Variants in TIMP2 observed in about 807,000 individuals in gnomAD.
TIMP2 encodes the protein TIMP metallopeptidase inhibitor 2, also known as metalloproteinase inhibitor 2.
A neutral mutation model predicts 24.3 loss-of-function variants in TIMP2; 5 were observed. That is an observed-to-expected ratio of 0.21 (90% CI 0.11 to 0.43). The LOEUF (loss-of-function observed/expected upper bound fraction) is 0.43, where lower values mean the gene tolerates loss of function less well. Among genes scored for constraint, TIMP2 ranks in the 20% least tolerant of loss-of-function variants. TIMP2 has a pLI of 1.00. For missense variants in TIMP2, 221 were observed against 297.5 expected (o/e 0.74, Z 1.89); for synonymous variants, 130 against 123.2 (o/e 1.06, Z -0.37).
rs1246083660 is a variant in TIMP2, at chr17:78,891,387, G to A, written c.131-17468C>T. 1.9e-6 allele frequency: 3 copies of A among 1,550,678 alleles called. No individual in the cohort carries two copies. Among genetic ancestry groups the A allele is most frequent in the East Asian group, 2.4e-5 (1 of 40,912 alleles). On this transcript the variant is annotated intron_variant, in intron 1 of 4. Coordinates refer to ENST00000262768, the MANE Select transcript of TIMP2 (RefSeq NM_003255.5). The surrounding 1 kb of genome is among the most constrained non-coding windows in gnomAD (Gnocchi z 4.5). ...TCTGAGAAGGCATGCCCTTCCCCAGGTCTCTGGTCCATCCTGGGCTTCAGT... is the reference window on the plus strand; with the variant it reads ...TCTGAGAAGGCATGCCCTTCCCCAGATCTCTGGTCCATCCTGGGCTTCAGT...
intron 3 of TIMP2, 121 bp from the exon 4 acceptor site, chr17:78,857,767 C>T: frequency 7.3e-7 from 1 of 1,377,618 alleles, no homozygotes; most frequent in African/African-American, 1.4e-5. Context: ...ACTGTCTATT[C>T]TGAGTTAAAA....
chr17:78,895,112 C>T (rs1349452388), intron 1 of TIMP2, among the ~76,000 whole-genome samples: 2 of 152,064 alleles, frequency 1.3e-5, no homozygotes, highest in Admixed American at 6.5e-5. Flanking sequence ...GAAACCCCGT[C>T]TCTACTAAAA....
intron 2 of TIMP2, among the ~76,000 whole-genome samples, chr17:78,871,324 C>A (rs867507855): frequency 1.3e-5 from 2 of 151,582 alleles, no homozygotes; most frequent in African/African-American, 4.9e-5. Context: ...TGGTGGCAAG[C>A]GCCTGTAATC....
chr17:78,883,942 T>G (rs1213651178), intron 1 of TIMP2, among the ~76,000 whole-genome samples: 3 of 152,168 alleles, frequency 2.0e-5, no homozygotes, highest in Non-Finnish European at 4.4e-5. Context: ...GCTCGGCCCT[T>G]CCCATTCACG....
intron 2 of TIMP2, among the ~76,000 whole-genome samples, chr17:78,872,663 G>T (rs1365797660): frequency 6.6e-6 from 1 of 152,114 alleles, no homozygotes; most frequent in Non-Finnish European, 1.5e-5. Flanking sequence ...CACTGGCACT[G>T]GCCTTTTCAC....
chr17:78,914,990 G>A (rs1277278930), intron 1 of TIMP2, among the ~76,000 whole-genome samples: 6 of 150,252 alleles, frequency 4.0e-5, no homozygotes, highest in Admixed American at 1.3e-4. Flanking sequence ...TCCGCCTCCC[G>A]GGTTCAAGTG....
At chr17:78,911,512 C>T (rs2070207099) in intron 1 of TIMP2, among the ~76,000 whole-genome samples, 2 of 152,086 alleles carry the variant, frequency 1.3e-5, no homozygotes, top group African/African-American at 2.4e-5. Flanking sequence ...CTCACTGCAA[C>T]CTCCGCCTGG....
At chr17:78,876,249 C>G (rs1471945394) in intron 1 of TIMP2, among the ~76,000 whole-genome samples, 1 of 152,190 alleles carries the variant, frequency 6.6e-6, no homozygotes, top group Non-Finnish European at 1.5e-5. Context: ...AGCTGCTGTG[C>G]CCAACACCCC....
At position 78,884,596 on chromosome 17, in the gene TIMP2, A is replaced by G. The variant is rs564140627; in HGVS notation, c.131-10677T>C. ...CTTCCTCCTCAGCACAGCTTCCCAAACAAGCCCCATGCTGAGCGGCGCCCC... is the reference window on the plus strand; with the variant it reads ...CTTCCTCCTCAGCACAGCTTCCCAAGCAAGCCCCATGCTGAGCGGCGCCCC... On this transcript the variant is annotated intron_variant, in intron 1 of 4. Transcript: ENST00000262768. 3.3e-5 allele frequency among the ~76,000 whole-genome samples: 5 copies of G among 152,000 alleles called. No individual in the cohort carries two copies. In the South Asian group the frequency reaches 1.0e-3, roughly 32 times the overall value.
intron 1 of TIMP2, among the ~76,000 whole-genome samples, chr17:78,885,607 G>A (rs2145763678): frequency 6.6e-6 from 1 of 152,354 alleles, no homozygotes; most frequent in Non-Finnish European, 1.5e-5. Flanking sequence ...TCGCAAGGCA[G>A]GGGGCAGGCC....
chr17:78,918,065 A>AACACACACACACACACAC (rs57256110), intron 1 of TIMP2, among the ~76,000 whole-genome samples: 33 of 144,930 alleles, frequency 2.3e-4, no homozygotes, highest in African/African-American at 2.3e-4. Flanking sequence ...TGCACACACA[A>AACACACACACACACACAC]ACACACACAC....
Position 78,853,095 on chromosome 17 carries a change from G to C in TIMP2, c.*2572C>G, listed in dbSNP as rs1296253490. The stretch of plus-strand genomic sequence containing the variant: ...TTTCAACAACTCTTGTGTGTTCCCA[G>C]CACCGGAAGGTCTCAGACTTCATAT... On this transcript the variant is annotated 3_prime_UTR_variant, in exon 5 of 5. Coordinates refer to ENST00000262768, the MANE Select transcript of TIMP2 (RefSeq NM_003255.5). 6.6e-6 allele frequency: 1 copy of C among 152,598 alleles called. No homozygotes were observed. The highest frequency in any genetic ancestry group is 1.5e-5 in the Non-Finnish European group (1 of 68,060). The allele number at this position is 152,598 out of a possible 1,614,324, so 9.5% of individuals were successfully genotyped here.
chr17:78,858,740 G>T (rs1008168424), intron 3 of TIMP2, among the ~76,000 whole-genome samples: 5 of 152,036 alleles, frequency 3.3e-5, no homozygotes, highest in Non-Finnish European at 7.4e-5. Context: ...ACTCAGGCTG[G>T]TCTTAAACTT....
At chr17:78,873,789 G>A in intron 2 of TIMP2, 30 bp downstream of exon 2, 1 of 1,589,012 alleles carries the variant, frequency 6.3e-7, no homozygotes, top group South Asian at 1.1e-5. Flanking sequence ...TGCCCACAGT[G>A]CAGCCCGGGA....
At chr17:78,886,546 C>T (rs746751579) in intron 1 of TIMP2, among the ~76,000 whole-genome samples, 4 of 152,096 alleles carry the variant, frequency 2.6e-5, no homozygotes, top group Non-Finnish European at 4.4e-5. Flanking sequence ...AGCAGGAGCA[C>T]GGTGACACCC....
At chr17:78,875,583 T>TA (rs951121254) in intron 1 of TIMP2, among the ~76,000 whole-genome samples, 3 of 152,176 alleles carry the variant, frequency 2.0e-5, no homozygotes, top group African/African-American at 7.2e-5. Context: ...TGGTCTGTTT[T>TA]AATGGCTTTA....
intron 1 of TIMP2, among the ~76,000 whole-genome samples, chr17:78,881,542 G>A (rs1366089035): frequency 6.6e-6 from 1 of 152,282 alleles, no homozygotes; most frequent in Non-Finnish European, 1.5e-5. Context: ...ACACTGCGTA[G>A]ACGCAAACGC....
chr17:78,871,232 G>A (rs537801744), intron 2 of TIMP2, among the ~76,000 whole-genome samples: 5 of 151,344 alleles, frequency 3.3e-5, no homozygotes, highest in South Asian at 2.1e-4. Context: ...TGGGCAGGTC[G>A]CTTGAGGTCA....
intron 1 of TIMP2, among the ~76,000 whole-genome samples, chr17:78,918,531 G>T (rs2070283097): frequency 6.6e-6 from 1 of 152,096 alleles, no homozygotes; most frequent in Non-Finnish European, 1.5e-5. Flanking sequence ...CTCTCCATTG[G>T]GAAGTCTGGG....
Sources: gnomAD v4.1 joint callset for allele counts (sites outside exome capture counted in the v4.1 genomes callset) on GRCh38, gnomAD v4.1.1 for gene constraint, Gnocchi (gnomAD v3.1) non-coding constraint, MANE v1.5 for transcripts, NCBI Gene and HGNC (gene_info 2026-07-23, HGNC 2026-07-21) for gene names.